Variants in KLRC1 observed in about 807,000 individuals in gnomAD.
KLRC1 encodes NKG2-A/NKG2-B type II integral membrane protein.
A neutral mutation model predicts 25.9 loss-of-function variants in KLRC1; 22 were observed. The ratio of observed to expected loss-of-function variants is 0.85; its 90% CI spans 0.61 to 1.21. The LOEUF (loss-of-function observed/expected upper bound fraction) is 1.21, where lower values mean the gene tolerates loss of function less well. KLRC1 is among the 50% of genes most tolerant of loss of function. The pLI is 0.00. For missense variants in KLRC1, 240 were observed against 272.2 expected, an observed-to-expected ratio of 0.88 and a Z score of 0.83; for synonymous variants, 77 against 93.1, an observed-to-expected ratio of 0.83 and a Z score of 0.99.
At chr12:10,451,821 G>A (rs1482342329) in intron 1 of KLRC1, among the ~76,000 whole-genome samples, 2 of 151,964 alleles carry the variant, frequency 1.3e-5, no homozygotes, top group African/African-American at 2.4e-5. Context: ...AAAAACTTCT[G>A]CACTCATTTT....
chr12:10,448,690 G>T (rs747832132), intron 5 of KLRC1, among the ~76,000 whole-genome samples: 1 of 152,142 alleles, frequency 6.6e-6, no homozygotes, highest in Non-Finnish European at 1.5e-5. Flanking sequence ...ACAGATAACC[G>T]CAATAATATG....
At chr12:10,450,925 T>G in intron 2 of KLRC1, 45 bp downstream of exon 2, 3 of 1,404,842 alleles carry the variant, frequency 2.1e-6, no homozygotes, top group Non-Finnish European at 2.9e-6. Context: ...TACCCCAAGC[T>G]GCACATCCTA....
At chr12:10,450,227 G>C (rs1469830536) in intron 3 of KLRC1, 1 of 435,222 alleles carries the variant, frequency 2.3e-6, no homozygotes, top group African/African-American at 2.1e-5. Flanking sequence ...CTATTTCTCA[G>C]TAAGGTTTTT....
rs60767265 is a variant in KLRC1 at position 10,446,027 on chromosome 12, CT to C, written c.*523del. Reference sequence around the variant, plus strand: ...CAGTCACAAATAATCCCAGGAGAGGCTTTTTTTTTTTTTCTGGATAGCTTTA... The same window carrying C: ...CAGTCACAAATAATCCCAGGAGAGGCTTTTTTTTTTTTCTGGATAGCTTTA... On this transcript the variant is annotated 3_prime_UTR_variant, in exon 7 of 7. Coordinates refer to ENST00000359151, the MANE Select transcript of KLRC1 (RefSeq NM_002259.5). The C allele has an allele frequency of 0.1, 14,098 of 141,634 alleles. 1,386 individuals carry two copies. Among genetic ancestry groups the C allele is most frequent in the South Asian group, 0.26 (1,194 of 4,524 alleles). The allele number at this position is 141,634 out of a possible 1,614,324, so 8.8% of individuals were successfully genotyped here.
chr12:10,450,199 A>G (rs73258282), intron 3 of KLRC1: 6,849 of 430,936 alleles, frequency 0.016, 394 homozygotes, highest in African/African-American at 0.12. Flanking sequence ...TGATTTAACT[A>G]CTTTCAAAAA....
intron 6 of KLRC1, 179 bp downstream of exon 6, chr12:10,447,353 A>G (rs902241011): frequency 7.7e-6 from 4 of 516,286 alleles, no homozygotes; most frequent in African/African-American, 1.9e-5. Flanking sequence ...CTAGCTGACC[A>G]ATGAGCGGTT....
At chr12:10,452,106 C>T (rs1864138423) in intron 1 of KLRC1, among the ~76,000 whole-genome samples, 1 of 151,818 alleles carries the variant, frequency 6.6e-6, no homozygotes, top group South Asian at 2.1e-4. Flanking sequence ...TTAACTTATG[C>T]ATAACCTAAA....
chr12:10,447,014 A>C (rs1864000381), intron 6 of KLRC1, among the ~76,000 whole-genome samples: 1 of 152,246 alleles, frequency 6.6e-6, no homozygotes, highest in Non-Finnish European at 1.5e-5. Context: ...GCAATATGCC[A>C]ACAGCACTAC....
At chr12:10,445,913 C>T (rs971781326), downstream of KLRC1, 3 of 151,700 alleles carry the variant, frequency 2.0e-5, no homozygotes, top group Non-Finnish European at 2.9e-5. Flanking sequence ...AAAGATAACA[C>T]AGTACATTGA....
rs1863982012 is a variant in KLRC1 at position 10,446,255 on chromosome 12, T to C, written c.*296A>G. The C allele has an allele frequency of 1.9e-6, 1 of 538,742 alleles. No individual in the cohort carries two copies. The highest frequency in any genetic ancestry group is 2.6e-6 in the Non-Finnish European group (1 of 392,002). The allele number at this position is 538,742 out of a possible 1,614,324, so 33.4% of individuals were successfully genotyped here. On this transcript the variant is annotated 3_prime_UTR_variant, in exon 7 of 7. Transcript: ENST00000359151. Reference sequence around the variant, plus strand: ...AGACATTGGCAACCACTATTCTACTTTCTGTCTCCATGGGTTTGACTGTTC... The same window carrying C: ...AGACATTGGCAACCACTATTCTACTCTCTGTCTCCATGGGTTTGACTGTTC...
chr12:10,451,278 G>A, intron 1 of KLRC1, 91 bp from the exon 2 acceptor site: 1 of 631,832 alleles, frequency 1.6e-6, no homozygotes, highest in Non-Finnish European at 2.4e-6. Context: ...ACGAGTATTG[G>A]AGCTCATTTT....
downstream of KLRC1, among the ~76,000 whole-genome samples, chr12:10,443,793 C>G (rs1421952411): frequency 7.1e-6 from 1 of 140,018 alleles, no homozygotes; most frequent in Non-Finnish European, 1.5e-5. Flanking sequence ...GTACCACTAG[C>G]CAAGCTTGGC....
At chr12:10,448,413 G>C (rs1864040696) in intron 5 of KLRC1, among the ~76,000 whole-genome samples, 1 of 152,162 alleles carries the variant, frequency 6.6e-6, no homozygotes. Flanking sequence ...CGCAACAACA[G>C]GCAAGGCTGG....
chr12:10,448,862 C>T (rs1864057732), intron 5 of KLRC1, among the ~76,000 whole-genome samples: 1 of 152,112 alleles, frequency 6.6e-6, no homozygotes, highest in South Asian at 2.1e-4. Flanking sequence ...TGAGGGCATA[C>T]ACAGGGGTGG....
chr12:10,449,226 T>C lies in KLRC1; in HGVS notation c.489+11A>G, dbSNP rs1210733772. On this transcript the variant is annotated intron_variant, in intron 5 of 6. Coordinates refer to ENST00000359151, the MANE Select transcript of KLRC1 (RefSeq NM_002259.5). ...GCTTTTCATAAAGTGTTTAAAACAT[T>C]TACATCTTACCATTTCTTCTTCATT... is the stretch of plus-strand genomic sequence containing the variant. 1.2e-6 allele frequency: 2 copies of C among 1,613,524 alleles called. No individual in the cohort carries two copies. Among genetic ancestry groups the C allele is most frequent in the African/African-American group, 2.7e-5 (2 of 74,898 alleles).
At position 10,451,087 on chromosome 12, in the gene KLRC1, G is replaced by T. The variant is rs565267489; in HGVS notation, c.70C>A (p.Pro24Thr). Residue 24 changes from proline to threonine, a missense_variant, in exon 2 of 7, where the codon CCT (proline) becomes ACT (threonine). Physicochemically the swap from Pro to Thr is conservative, Grantham distance 38. Transcript: ENST00000359151. ...AAAATGGAGTTTTTATTGCCTTTAGGTTTTCGTTGCTGCCTCTTTGGGTTT... is the reference window on the plus strand; with the variant it reads ...AAAATGGAGTTTTTATTGCCTTTAGTTTTTCGTTGCTGCCTCTTTGGGTTT... Reference protein sequence around the residue: ...PPNPKRQQRKPKGNKNSILAT... With the variant: ...PPNPKRQQRKTKGNKNSILAT... 3.1e-6 allele frequency: 5 copies of T among 1,613,798 alleles called. No homozygotes were observed. The African/African-American group carries it at 4.0e-5, about 13-fold the overall frequency.
Position 10,446,619 on chromosome 12 carries a change from G to A in KLRC1, c.634C>T (p.Gln212Ter). 1 of 1,613,934 alleles carries A rather than the reference G, an allele frequency of 6.2e-7. No individual in the cohort carries two copies. The highest frequency in any genetic ancestry group is 8.5e-7 in the Non-Finnish European group (1 of 1,179,914). Residue 212 changes from glutamine to a stop codon, truncating the protein, a stop_gained, in exon 7 of 7, where the codon CAA becomes TAA. Coordinates refer to ENST00000359151, the MANE Select transcript of KLRC1 (RefSeq NM_002259.5). LOFTEE classifies it low-confidence loss of function (END_TRUNC). ...DNAELNCAVL[Q>*]VNRLKSAQCG... Reference sequence around the variant, plus strand: ...TGGGCTGATTTAAGTCGATTTACTTGTAGCACTGCACAGTTAAGTTCAGCA... The same window carrying A: ...TGGGCTGATTTAAGTCGATTTACTTATAGCACTGCACAGTTAAGTTCAGCA...
intron 6 of KLRC1, 92 bp downstream of exon 6, chr12:10,447,440 C>G (rs35173361): frequency 9.1e-7 from 1 of 1,096,094 alleles, no homozygotes; most frequent in Admixed American, 2.2e-5. Context: ...CTTTCTTCAT[C>G]TCTATGATTC....
chr12:10,445,617 A>T (rs1268621832), downstream of KLRC1, among the ~76,000 whole-genome samples: 7 of 152,222 alleles, frequency 4.6e-5, no homozygotes, highest in Admixed American at 3.9e-4. Flanking sequence ...TAGCATATAG[A>T]TTAAAAAAAT....
Sources: allele counts gnomAD v4.1 joint callset (sites outside exome capture counted in the v4.1 genomes callset), GRCh38; gene constraint gnomAD v4.1.1; transcripts MANE v1.5; gene names NCBI Gene and HGNC (gene_info 2026-07-23, HGNC 2026-07-21).